CSMD1: variants seen among roughly 807,000 people sequenced by gnomAD.
CSMD1 encodes the protein CUB and Sushi multiple domains 1, also known as CUB and sushi domain-containing protein 1.
A neutral mutation model predicts 417.5 loss-of-function variants in CSMD1; 213 were observed. The ratio of observed to expected loss-of-function variants is 0.51; its 90% CI spans 0.46 to 0.57. The LOEUF (loss-of-function observed/expected upper bound fraction) is 0.57, where lower values mean the gene tolerates loss of function less well. Ranked by LOEUF, CSMD1 falls within the 20% of genes least tolerant of loss-of-function variation. CSMD1 has a pLI of 0.00. For synonymous variants in CSMD1, 2,862 were observed against 1,736.8 expected (o/e 1.65, Z -16.11); for missense variants, 6,923 against 4,529.7 (o/e 1.53, Z -15.17).
At chr8:4,279,522 T>C (rs376376903) in intron 3 of CSMD1, among the ~76,000 whole-genome samples, 2 of 152,298 alleles carry the variant, frequency 1.3e-5, no homozygotes, top group South Asian at 4.1e-4. Flanking sequence ...GTCAATACAG[T>C]GTGGTTAGTG....
intron 7 of CSMD1, among the ~76,000 whole-genome samples, chr8:3,639,985 G>C (rs981230962): frequency 6.6e-6 from 1 of 152,190 alleles, no homozygotes; most frequent in African/African-American, 2.4e-5. Context: ...GCATCTAATA[G>C]TGGTTGGGAT....
chr8:4,972,733 T>A (rs1245850931), intron 1 of CSMD1, among the ~76,000 whole-genome samples: 3 of 142,696 alleles, frequency 2.1e-5, no homozygotes, highest in African/African-American at 7.8e-5. Flanking sequence ...ATTGTTTGAG[T>A]TTTGAAGATT....
At chr8:4,527,860 T>A (rs1170135490) in intron 2 of CSMD1, among the ~76,000 whole-genome samples, 3 of 152,170 alleles carry the variant, frequency 2.0e-5, no homozygotes, top group Admixed American at 2.0e-4. Context: ...TGGAATGACG[T>A]CTTAGTTCTA....
chr8:3,992,996 A>C (rs1027332966), intron 5 of CSMD1, among the ~76,000 whole-genome samples: 7 of 152,232 alleles, frequency 4.6e-5, no homozygotes, highest in Non-Finnish European at 7.3e-5. Context: ...GACAGGGCCA[A>C]GGAGGCAAAA....
chr8:4,019,269 T>C (rs1213526626), intron 4 of CSMD1, among the ~76,000 whole-genome samples: 2 of 152,284 alleles, frequency 1.3e-5, no homozygotes, highest in African/African-American at 4.8e-5. Flanking sequence ...ACTAAGAGTT[T>C]TTAAAGATTC....
At chr8:4,047,483 G>T (rs1039400577) in intron 3 of CSMD1, among the ~76,000 whole-genome samples, 2 of 152,070 alleles carry the variant, frequency 1.3e-5, no homozygotes, top group African/African-American at 4.8e-5. Flanking sequence ...CAGATTAGTG[G>T]TAGCGTAAAT....
chr8:3,091,371 T>C, intron 48 of CSMD1, 145 bp downstream of exon 48: 1 of 531,462 alleles, frequency 1.9e-6, no homozygotes, highest in South Asian at 4.7e-5. Context: ...TCAGAATAAT[T>C]ACCCATCATA....
At chr8:3,145,953 G>C (rs7843826) in intron 40 of CSMD1, among the ~76,000 whole-genome samples, 5,638 of 152,290 alleles carry the variant, frequency 0.037, 151 homozygotes, top group Non-Finnish European at 0.055. Flanking sequence ...ATAGTAATGT[G>C]ACCATGATCT....
intron 5 of CSMD1, 110 bp downstream of exon 5, chr8:3,997,793 C>T: frequency 1.0e-6 from 1 of 955,716 alleles, no homozygotes. Context: ...AAAAGGAACA[C>T]ACATGCTTGC....
intron 3 of CSMD1, among the ~76,000 whole-genome samples, chr8:4,301,103 C>T (rs913280237): frequency 8.5e-5 from 13 of 152,150 alleles, no homozygotes; most frequent in Non-Finnish European, 1.8e-4. Context: ...CCCATTGAAA[C>T]TCTTGCAAAA....
intron 5 of CSMD1, among the ~76,000 whole-genome samples, chr8:3,912,620 T>C (rs775828062): frequency 7.2e-5 from 11 of 152,058 alleles, no homozygotes; most frequent in Non-Finnish European, 1.5e-4. Context: ...CTAAGGTGAA[T>C]TGCACCCAGT....
rs569502230 is a variant in CSMD1 at position 3,401,898 on chromosome 8, C to CA, written c.2267-2370dup. Among the ~76,000 whole-genome samples, 9 of 149,488 alleles carry CA rather than the reference C, an allele frequency of 6.0e-5. No homozygotes were observed. The South Asian group carries it at 6.3e-4, about 10-fold the overall frequency. On this transcript the variant is annotated intron_variant, in intron 15 of 69. Coordinates refer to ENST00000635120, the MANE Select transcript of CSMD1 (RefSeq NM_033225.6). ...ATGTTCATACTCACTTAGCTGATAA[C>CA]AAAAAAAGCAAATATACCAATGAGC...
intron 5 of CSMD1, among the ~76,000 whole-genome samples, chr8:3,985,143 G>C (rs777487054): frequency 1.3e-5 from 2 of 152,044 alleles, no homozygotes; most frequent in Non-Finnish European, 2.9e-5. Context: ...CTTCAGGAGA[G>C]GGTGTGATGG....
At chr8:3,223,946 C>T (rs1798350391) in intron 27 of CSMD1, 79 bp from the exon 28 acceptor site, 1 of 1,409,100 alleles carries the variant, frequency 7.1e-7, no homozygotes, top group Non-Finnish European at 9.8e-7. Flanking sequence ...GGAGACACCA[C>T]AGAATTCTTT....
chr8:4,850,382 C>CTTTTTTTTTTTTTT, intron 1 of CSMD1, among the ~76,000 whole-genome samples: 12 of 77,826 alleles, frequency 1.5e-4, no homozygotes, highest in East Asian at 1.0e-3. Flanking sequence ...TCCAATTTAT[C>CTTTTTTTTTTTTTT]TTTTTTTTTT....
At chr8:3,628,354 C>T (rs921154092) in intron 7 of CSMD1, among the ~76,000 whole-genome samples, 2 of 152,164 alleles carry the variant, frequency 1.3e-5, no homozygotes, top group Non-Finnish European at 1.5e-5. Flanking sequence ...CCGAGGGTGA[C>T]CTCACGCCCC....
chr8:4,854,463 G>T (rs944898513), intron 1 of CSMD1, among the ~76,000 whole-genome samples: 6 of 152,162 alleles, frequency 3.9e-5, no homozygotes, highest in African/African-American at 1.4e-4. Context: ...TGTGAGCGAC[G>T]CAGAAGACGG....
chr8:4,349,820 C>CTT (rs35007995), intron 3 of CSMD1, among the ~76,000 whole-genome samples: 34 of 139,436 alleles, frequency 2.4e-4, no homozygotes, highest in African/African-American at 6.7e-4. Flanking sequence ...ATGATATGAC[C>CTT]TTTTTTTTTT....
intron 2 of CSMD1, among the ~76,000 whole-genome samples, chr8:4,595,083 T>C (rs1235886990): frequency 2.0e-5 from 3 of 152,184 alleles, no homozygotes; most frequent in Admixed American, 2.0e-4. Flanking sequence ...CCTTTTTTTA[T>C]AACTTTAATA....
Sources: gnomAD v4.1 joint callset for allele counts (sites outside exome capture counted in the v4.1 genomes callset) on GRCh38, gnomAD v4.1.1 for gene constraint, MANE v1.5 for transcripts, NCBI Gene and HGNC (gene_info 2026-07-23, HGNC 2026-07-21) for gene names.